HHLA1: variants seen among roughly 807,000 people sequenced by gnomAD.
HHLA1 encodes HHLA1 neighbor of OC90, also known as HERV-H LTR-associating protein 1.
Under a neutral mutation model 69.9 loss-of-function variants are expected in HHLA1, and 72 were observed. The ratio of observed to expected loss-of-function variants is 1.03; its 90% CI spans 0.85 to 1.25. The LOEUF is 1.25. Ranked by LOEUF, HHLA1 falls within the 50% of genes most tolerant of loss-of-function variation. The pLI, the probability that HHLA1 is intolerant of heterozygous loss-of-function variation, is 0.00. For missense variants in HHLA1, 685 were observed against 642.2 expected (o/e 1.07, Z -0.72); for synonymous variants, 252 against 233.2 (o/e 1.08, Z -0.73).
intron 3 of HHLA1, chr8:132,101,339 T>A (rs1824107323): frequency 1.3e-6 from 2 of 1,515,662 alleles, no homozygotes; most frequent in African/African-American, 2.8e-5. Flanking sequence ...GTTCATAACA[T>A]CCTTAGAAAT....
intron 12 of HHLA1, 31 bp downstream of exon 12, chr8:132,077,695 G>A (rs1181856223): frequency 6.5e-6 from 10 of 1,539,386 alleles, no homozygotes; most frequent in Non-Finnish European, 7.9e-6. Flanking sequence ...AATTTAAAAC[G>A]GGAGAGGTAG....
intron 10 of HHLA1, among the ~76,000 whole-genome samples, chr8:132,082,915 C>T (rs913263487): frequency 6.6e-6 from 1 of 151,740 alleles, no homozygotes; most frequent in African/African-American, 2.4e-5. Flanking sequence ...GTTTAAAAGG[C>T]CATGCTGTAG....
chr8:132,089,151 C>A (rs1181827084), intron 8 of HHLA1, among the ~76,000 whole-genome samples: 1 of 152,176 alleles, frequency 6.6e-6, no homozygotes, highest in Non-Finnish European at 1.5e-5. Context: ...TAGATTTAAA[C>A]CTGAATTCTG....
chr8:132,070,382 T>G, intron 15 of HHLA1: 1 of 702,074 alleles, frequency 1.4e-6, no homozygotes, highest in East Asian at 2.7e-5. Flanking sequence ...ATGAAAGAAC[T>G]GGAATTTAGA....
At chr8:132,065,306 A>G (rs1468286590) in intron 16 of HHLA1, among the ~76,000 whole-genome samples, 1 of 152,122 alleles carries the variant, frequency 6.6e-6, no homozygotes, top group African/African-American at 2.4e-5. Flanking sequence ...GTTGTCCCCC[A>G]CAAACTGCTC....
chr8:132,088,105 C>G (rs1027519420), intron 8 of HHLA1, among the ~76,000 whole-genome samples: 2 of 152,142 alleles, frequency 1.3e-5, no homozygotes, highest in Non-Finnish European at 2.9e-5. Flanking sequence ...GTGGCTAAGG[C>G]AGAGTCTCTG....
At chr8:132,070,513 C>A in intron 15 of HHLA1, 1 of 625,784 alleles carries the variant, frequency 1.6e-6, no homozygotes, top group Admixed American at 2.6e-5. Flanking sequence ...TAACATGACA[C>A]AAGTTAACTT....
intron 5 of HHLA1, 53 bp from the exon 6 acceptor site, chr8:132,095,839 T>C (rs563334887): frequency 3.7e-6 from 4 of 1,088,716 alleles, no homozygotes; most frequent in South Asian, 3.2e-5. Context: ...AACGTAACAA[T>C]AATACAAATA....
At chr8:132,078,036 A>G in intron 11 of HHLA1, 65 bp from the exon 12 acceptor site, 7 of 1,520,468 alleles carry the variant, frequency 4.6e-6, no homozygotes, top group Non-Finnish European at 6.2e-6. Context: ...CAGACATGAA[A>G]TTGCTGAGAC....
chr8:132,071,340 C>T lies in HHLA1; in HGVS notation c.1469G>A (p.Arg490Lys), dbSNP rs556108899. Residue 490 changes from arginine to lysine, a missense_variant and splice_region_variant, in exon 15 of 17, where the codon AGA (arginine) becomes AAA (lysine). Physicochemically the swap from Arg to Lys is conservative, Grantham distance 26 (BLOSUM62 2). Transcript: ENST00000414222. ...AAAAGAAGCCACTGGGCCAAGTTAC[C>T]TCATGTCCTCTGTCCTGGGACTCCT... ...SQRSPRTEDM[R>K]YCLEYYSWFL... 6.5e-7 allele frequency: 1 copy of T among 1,549,548 alleles called. No individual in the cohort carries two copies.
intron 10 of HHLA1, chr8:132,085,311 G>A (rs929487047): frequency 1.0e-5 from 2 of 191,964 alleles, no homozygotes; most frequent in Non-Finnish European, 2.2e-5. Context: ...TTAAGAGAAG[G>A]GAGAGATTGA....
intron 3 of HHLA1, among the ~76,000 whole-genome samples, chr8:132,100,369 G>A (rs569362254): frequency 6.6e-6 from 1 of 151,958 alleles, no homozygotes; most frequent in African/African-American, 2.4e-5. Context: ...TGGCGATTCT[G>A]ATACAGGGGG....
intron 10 of HHLA1, among the ~76,000 whole-genome samples, chr8:132,082,738 T>C (rs1002189470): frequency 1.3e-5 from 2 of 151,740 alleles, no homozygotes; most frequent in Admixed American, 6.6e-5. Flanking sequence ...CACGGAATAG[T>C]GAGTTGTGGA....
At chr8:132,091,036 C>T (rs1439090275) in intron 7 of HHLA1, among the ~76,000 whole-genome samples, 3 of 152,136 alleles carry the variant, frequency 2.0e-5, no homozygotes, top group African/African-American at 7.2e-5. Context: ...CTCTTTAGAC[C>T]AGTCTGTTCT....
intron 10 of HHLA1, among the ~76,000 whole-genome samples, chr8:132,085,096 T>G (rs933275567): frequency 2.0e-5 from 3 of 152,096 alleles, no homozygotes; most frequent in African/African-American, 7.2e-5. Context: ...AAGTGGGACT[T>G]GCCGCTAAGG....
At chr8:132,080,094 G>T (rs1477330562) in intron 10 of HHLA1, 128 bp from the exon 11 acceptor site, 4 of 1,278,124 alleles carry the variant, frequency 3.1e-6, no homozygotes, top group Non-Finnish European at 4.4e-6. Context: ...AAAGTATCAG[G>T]CATTTGCTAT....
intron 7 of HHLA1, 22 bp downstream of exon 7, chr8:132,095,497 C>A (rs1399452893): frequency 1.4e-6 from 2 of 1,476,710 alleles, no homozygotes; most frequent in East Asian, 4.9e-5. Flanking sequence ...AAGCTGCAAG[C>A]CTCATGGTAA....
Position 132,106,867 on chromosome 8 carries a change from A to G in HHLA1, c.-21-1581T>C, listed in dbSNP as rs111754234. Among the ~76,000 whole-genome samples, 587 of 152,262 alleles carry G rather than the reference A, an allele frequency of 3.9e-3. 8 individuals carry two copies. Among genetic ancestry groups the G allele is most frequent in the African/African-American group, 0.013 (560 of 41,552 alleles). On this transcript the variant is annotated intron_variant, in intron 1 of 16. Coordinates refer to ENST00000414222, the MANE Select transcript of HHLA1 (RefSeq NM_001145095.3). The stretch of plus-strand genomic sequence containing the variant: ...GACTGGGGGTGGAAGTGGGCAGGCA[A>G]TTCCTGCTGAGTGAGGATTCTTTCC...
At position 132,061,547 on chromosome 8, in the gene HHLA1, C is replaced by G. The variant is rs1183118850; in HGVS notation, c.*2448G>C. The stretch of plus-strand genomic sequence containing the variant: ...AACTGCACAATCTCCTTCATCAGAA[C>G]AGATACAGTCACTGTCCCATCTCTT... On this transcript the variant is annotated 3_prime_UTR_variant, in exon 17 of 17. Coordinates refer to ENST00000414222, the MANE Select transcript of HHLA1 (RefSeq NM_001145095.3). 1 of 152,246 alleles carries G rather than the reference C, an allele frequency of 6.6e-6. No homozygotes were observed. The highest frequency in any genetic ancestry group is 1.5e-5 in the Non-Finnish European group (1 of 68,080). 9.4% of individuals were successfully genotyped at this position (152,246 alleles called of 1,614,324 possible). A position where few individuals can be genotyped will look rare whatever the true frequency, so the allele number is the denominator to read the frequency against.
Sources: gnomAD v4.1 joint callset for allele counts (sites outside exome capture counted in the v4.1 genomes callset) on GRCh38, gnomAD v4.1.1 for gene constraint, MANE v1.5 for transcripts, NCBI Gene and HGNC (gene_info 2026-07-23, HGNC 2026-07-21) for gene names.